Variants in SYTL4 observed in about 807,000 individuals in gnomAD.
SYTL4 encodes synaptotagmin like 4, also known as synaptotagmin-like protein 4.
A neutral mutation model predicts 52.7 loss-of-function variants in SYTL4; 16 were observed. That is an observed-to-expected ratio of 0.30 (90% CI 0.21 to 0.46). The LOEUF is 0.46. SYTL4 is among the 20% of genes least tolerant of loss of function. SYTL4 has a pLI of 1.00. For synonymous variants in SYTL4, 160 were observed against 186.6 expected (o/e 0.86, Z 1.16); for missense variants, 423 against 519.9 (o/e 0.81, Z 1.81).
chrX:100,698,320 G>A (rs1175119046), intron 8 of SYTL4, among the ~76,000 whole-genome samples: 2 of 111,086 alleles, frequency 1.8e-5, no homozygotes, highest in African/African-American at 3.3e-5. Context: ...AGCCAGGATG[G>A]TCTCGATCTC....
intron 5 of SYTL4, 111 bp downstream of exon 5, chrX:100,701,817 G>GTA (rs2083859743): frequency 2.5e-6 from 2 of 801,779 alleles, no homozygotes; most frequent in African/African-American, 2.1e-5. Context: ...ATAAGTAGTG[G>GTA]TAAACATCAC....
chrX:100,729,594 T>C (rs955390262), intron 2 of SYTL4, among the ~76,000 whole-genome samples: 3 of 111,557 alleles, frequency 2.7e-5, no homozygotes, highest in Non-Finnish European at 5.6e-5. Context: ...GTCCGGTTAC[T>C]GGCACAAATA....
chrX:100,687,405 G>C (rs927372670), intron 13 of SYTL4, 160 bp from the exon 14 acceptor site: 4 of 451,142 alleles, frequency 8.9e-6, no homozygotes, highest in Admixed American at 4.1e-5. Flanking sequence ...GAGGGTAAGA[G>C]AGAACTACCA....
chrX:100,725,042 A>G (rs745621590), intron 2 of SYTL4, among the ~76,000 whole-genome samples: 2 of 111,823 alleles, frequency 1.8e-5, no homozygotes, highest in East Asian at 5.6e-4. Flanking sequence ...GTCTAGAAAG[A>G]AATACAATCT....
chrX:100,720,718 G>C (rs1312177132), intron 2 of SYTL4, among the ~76,000 whole-genome samples: 1 of 112,305 alleles, frequency 8.9e-6, no homozygotes, highest in Non-Finnish European at 1.9e-5. Flanking sequence ...CTGTGATCTG[G>C]CTATGGCCAC....
intron 2 of SYTL4, among the ~76,000 whole-genome samples, chrX:100,724,319 A>G (rs1160176894): frequency 4.1e-5 from 4 of 96,884 alleles, no homozygotes; most frequent in Middle Eastern, 5.9e-3. Context: ...GGCCGCCCCT[A>G]CTGGGAAGTG....
chrX:100,686,111 T>C lies in SYTL4; in HGVS notation c.1328A>G (p.Gln443Arg), dbSNP rs748202932. 8.3e-7 allele frequency: 1 copy of C among 1,208,755 alleles called. No individual in the cohort carries two copies. Among genetic ancestry groups the C allele is most frequent in the Non-Finnish European group, 1.1e-6 (1 of 894,655 alleles). Residue 443 changes from glutamine (Q) to arginine (R), a missense_variant, in exon 16 of 20, where the codon CAG becomes CGG. Transcript: ENST00000372989. ...ACGACCATGATGCCAAACTGAGAAC[T>C]GCAGGGTCCTCTGGGCCAGGAGAGA... is the stretch of plus-strand genomic sequence containing the variant. ...PESLLAQRTL[Q>R]FSVWHHGRFG... is the part of the protein sequence containing the mutation.
chrX:100,681,270 G>A lies in SYTL4; in HGVS notation c.1515C>T (p.Tyr505=). 1 of 1,211,224 alleles carries A rather than the reference G, an allele frequency of 8.3e-7. No homozygotes were observed. Among genetic ancestry groups the A allele is most frequent in the Non-Finnish European group, 1.1e-6 (1 of 895,190 alleles). Residue 505 remains tyrosine, a synonymous_variant, in exon 17 of 20, where the codon TAC becomes TAT. Transcript: ENST00000372989. ...HKGELVVSLK[Y]IPASKTPVGG... ...CAACAGGGGTTTTGGAGGCTGGGAT[G>A]TATTTCAATGAAACCACCAACTCGC...
intron 12 of SYTL4, 124 bp downstream of exon 12, chrX:100,689,732 A>G (rs1215329677): frequency 2.8e-6 from 1 of 360,401 alleles, no homozygotes; most frequent in Admixed American, 5.2e-5. Flanking sequence ...ACTTGGGGGT[A>G]TCAAGTTTCA....
At chrX:100,723,802 G>A (rs1479152015) in intron 2 of SYTL4, among the ~76,000 whole-genome samples, 7 of 108,555 alleles carry the variant, frequency 6.4e-5, no homozygotes, top group Non-Finnish European at 1.3e-4. Flanking sequence ...GAGTCCCTCC[G>A]CCCGGCAGCC....
At chrX:100,682,670 G>A (rs756716683) in intron 16 of SYTL4, among the ~76,000 whole-genome samples, 84 of 110,797 alleles carry the variant, frequency 7.6e-4, no homozygotes, top group Non-Finnish European at 1.4e-3. Flanking sequence ...TCGCACCACC[G>A]CACTCCAGCC....
rs2083322761 is a variant in SYTL4, at chrX:100,678,630, T to C, written c.1659-31A>G. ...AGAGGGCGGGGAGTAATCAACAGCC[T>C]ACTCAAAGCGGACAGTTATCTCTCT... On this transcript the variant is annotated intron_variant, in intron 18 of 19. Coordinates refer to ENST00000372989, the MANE Select transcript of SYTL4 (RefSeq NM_001370165.1). 13 of 1,132,417 alleles carry C rather than the reference T, an allele frequency of 1.1e-5. No individual in the cohort carries two copies. The East Asian group carries it at 3.9e-4, about 34-fold the overall frequency. The allele number at this position is 1,132,417 out of a possible 1,213,427, so 93.3% of individuals were successfully genotyped here.
At chrX:100,700,728 T>C (rs2083831134) in intron 8 of SYTL4, among the ~76,000 whole-genome samples, 169 bp downstream of exon 8, 1 of 112,588 alleles carries the variant, frequency 8.9e-6, no homozygotes, top group Non-Finnish European at 1.9e-5. Flanking sequence ...TGTCTACATA[T>C]GAGTAGTGGG....
At chrX:100,699,716 G>A (rs2083807009) in intron 8 of SYTL4, among the ~76,000 whole-genome samples, 1 of 96,434 alleles carries the variant, frequency 1.0e-5, no homozygotes, top group Non-Finnish European at 2.1e-5. Context: ...GGATGGTCTC[G>A]ATCTCCTGAC....
At position 100,703,187 on chromosome X, in the gene SYTL4, T is replaced by C. The variant is rs2083890329; in HGVS notation, c.-163-2A>G. ...GGGCAACACAGGGCGACTCAGTCTC[T>C]ACAAAAAGAAAAATCAAAACTTAGC... On this transcript the variant is annotated splice_acceptor_variant, in intron 3 of 19. Transcript: ENST00000372989. LOFTEE classifies it low-confidence loss of function (5UTR_SPLICE). 9.0e-6 allele frequency: 1 copy of C among 110,499 alleles called. No homozygotes were observed. Among genetic ancestry groups the C allele is most frequent in the South Asian group, 4.0e-4 (1 of 2,530 alleles). 9.1% of individuals were successfully genotyped at this position (110,499 alleles called of 1,213,427 possible).
At chrX:100,699,482 C>CATTTTTTTTTTTT (rs1313181387) in intron 8 of SYTL4, among the ~76,000 whole-genome samples, 2 of 59,892 alleles carry the variant, frequency 3.3e-5, no homozygotes, top group Non-Finnish European at 5.4e-5. Context: ...CAGCATTACT[C>CATTTTTTTTTTTT]TTTTTTTTTT....
At position 100,686,043 on chromosome X, in the gene SYTL4, C is replaced by G. The variant is rs1201538981; in HGVS notation, c.1396G>C (p.Asp466His). The G allele has an allele frequency of 8.3e-7, 1 of 1,205,872 alleles. No individual in the cohort carries two copies. Among genetic ancestry groups the G allele is most frequent in the Non-Finnish European group, 1.1e-6 (1 of 892,351 alleles). The change falls in exon 16 of 20, where the codon GAT (aspartate) becomes CAT (histidine). Residue 466 changes from aspartate to histidine, a missense_variant. Coordinates refer to ENST00000372989, the MANE Select transcript of SYTL4 (RefSeq NM_001370165.1). ...AGTTTCTTATCAAGCTTCCAGGAAT[C>G]CATCTGGATCTCTGCCTCTCCAAGG... The part of the protein sequence containing the change: ...TFLGEAEIQM[D>H]SWKLDKKLDH...
At position 100,689,735 on chromosome X, in the gene SYTL4, A is replaced by G. The variant is rs371254326; in HGVS notation, c.912+121T>C. 6 of 395,885 alleles carry G rather than the reference A, an allele frequency of 1.5e-5. No individual in the cohort carries two copies. The African/African-American group carries it at 1.6e-4, about 10-fold the overall frequency. 32.6% of individuals were successfully genotyped at this position (395,885 alleles called of 1,213,427 possible). On this transcript the variant is annotated intron_variant, in intron 12 of 19. Coordinates refer to ENST00000372989, the MANE Select transcript of SYTL4 (RefSeq NM_001370165.1). ...TTTACTTTAGAAACTTGGGGGTATCAAGTTTCATGTTGCCTTTTCTTAAAG... is the reference window on the plus strand; with the variant it reads ...TTTACTTTAGAAACTTGGGGGTATCGAGTTTCATGTTGCCTTTTCTTAAAG...
intron 2 of SYTL4, among the ~76,000 whole-genome samples, chrX:100,714,293 G>GCT (rs1334106555): frequency 1.0e-4 from 10 of 100,417 alleles, no homozygotes; most frequent in South Asian, 4.6e-4. Flanking sequence ...ATGGAGTCTT[G>GCT]CTGTTGCCCA....
Sources: allele counts gnomAD v4.1 joint callset (sites outside exome capture counted in the v4.1 genomes callset), GRCh38; gene constraint gnomAD v4.1.1; transcripts MANE v1.5; gene names NCBI Gene and HGNC (gene_info 2026-07-23, HGNC 2026-07-21).